Variants in PEX19 observed in about 807,000 individuals in gnomAD.
PEX19 encodes the protein peroxisomal biogenesis factor 19, also known as 33 kDa housekeeping protein.
A neutral mutation model predicts 36.3 loss-of-function variants in PEX19; 29 were observed. The ratio of observed to expected loss-of-function variants is 0.80; its 90% CI spans 0.60 to 1.09. PEX19 has a LOEUF of 1.09. PEX19 is among the 50% of genes least tolerant of loss of function. The pLI is 0.00. For synonymous variants in PEX19, 141 were observed against 135.2 expected (o/e 1.04, Z -0.30); for missense variants, 396 against 368.1 (o/e 1.08, Z -0.62).
chr1:160,281,326 A>T (rs1399048529), intron 5 of PEX19: 1 of 152,920 alleles, frequency 6.5e-6, no homozygotes, highest in Non-Finnish European at 1.5e-5. Flanking sequence ...ACAACCACAC[A>T]TATAAGCTCT....
At position 160,277,723 on chromosome 1, in the gene PEX19, G is replaced by C. The variant is rs1005544423; in HGVS notation, c.*1828C>G. The C allele has an allele frequency of 2.2e-6, 1 of 459,850 alleles. No individual in the cohort carries two copies. Among genetic ancestry groups the C allele is most frequent in the Non-Finnish European group, 4.3e-6 (1 of 230,836 alleles). The allele number at this position is 459,850 out of a possible 1,614,324, so 28.5% of individuals were successfully genotyped here. A position where few individuals can be genotyped will look rare whatever the true frequency, so the allele number is the denominator to read the frequency against. ...GGACAGAAGGCACAAGGTTCATAGA[G>C]AAGGGCTCTTTTGTTCTTCCCTCCT... On this transcript the variant is annotated 3_prime_UTR_variant, in exon 8 of 8. Transcript: ENST00000368072.
intron 3 of PEX19, 140 bp downstream of exon 3, chr1:160,282,804 T>A: frequency 1.1e-6 from 1 of 895,146 alleles, no homozygotes; most frequent in Non-Finnish European, 1.8e-6. Context: ...GGGATTCCCA[T>A]CCTTTCTCTC....
intron 1 of PEX19, chr1:160,283,982 A>C: frequency 2.4e-6 from 1 of 423,582 alleles, no homozygotes; most frequent in Non-Finnish European, 4.8e-6. Flanking sequence ...TCCCATACAA[A>C]TACCCAACAG....
chr1:160,282,199 T>A lies in PEX19; in HGVS notation c.434A>T (p.Asn145Ile). The A allele has an allele frequency of 1.2e-6, 2 of 1,613,932 alleles. No individual in the cohort carries two copies. Among genetic ancestry groups the A allele is most frequent in the Admixed American group, 1.7e-5 (1 of 60,004 alleles). Residue 145 changes from asparagine (N) to isoleucine (I), a missense_variant and splice_region_variant, in exon 5 of 8, where the codon AAC becomes ATC. By Grantham distance (149) the Asn-to-Ile change is moderately radical. Transcript: ENST00000368072. ...CAGCTCTTCTTCCGACATGCTGGAG[T>A]TCTAGATAGGACAAGTAAGAGGTGA... ...GLAKNATDLQ[N>I]SSMSEEELTK... is the part of the protein sequence containing the mutation.
rs1237718951 is a variant in PEX19, at chr1:160,279,003, A to G, written c.*548T>C. 2 of 454,178 alleles carry G rather than the reference A, an allele frequency of 4.4e-6. No homozygotes were observed. The highest frequency in any genetic ancestry group is 4.4e-6 in the Non-Finnish European group (1 of 226,810). The allele number at this position is 454,178 out of a possible 1,614,324, so 28.1% of individuals were successfully genotyped here. A position where few individuals can be genotyped will look rare whatever the true frequency, so the allele number is the denominator to read the frequency against. ...CAACTCTATTGTGATTAGATGCAAA[A>G]GCCCTTTCCCTTTAGAGAATTCAGA... is the stretch of plus-strand genomic sequence containing the variant. On this transcript the variant is annotated 3_prime_UTR_variant, in exon 8 of 8. Transcript: ENST00000368072.
In PEX19 at chr1:160,277,260, T is replaced by G. The variant is rs1361467065; in HGVS notation, c.*2291A>C. The G allele has an allele frequency of 2.2e-6, 1 of 456,002 alleles. No homozygotes were observed. Among genetic ancestry groups the G allele is most frequent in the South Asian group, 1.5e-5 (1 of 64,558 alleles). The allele number at this position is 456,002 out of a possible 1,614,324, so 28.2% of individuals were successfully genotyped here. A position where few individuals can be genotyped will look rare whatever the true frequency, so the allele number is the denominator to read the frequency against. On this transcript the variant is annotated 3_prime_UTR_variant, in exon 8 of 8. Transcript: ENST00000368072. Reference sequence around the variant, plus strand: ...TTAGAAATTGAGAGTGTTTAAAAACTTTTTAGCATTTCAATGTTGCTGTGA... The same window carrying G: ...TTAGAAATTGAGAGTGTTTAAAAACGTTTTAGCATTTCAATGTTGCTGTGA...
chr1:160,281,570 T>C (rs959957773), intron 5 of PEX19, among the ~76,000 whole-genome samples: 4 of 152,180 alleles, frequency 2.6e-5, no homozygotes, highest in Non-Finnish European at 5.9e-5. Flanking sequence ...TACGCCAGGA[T>C]AATTTTTGTA....
At chr1:160,282,270 CAAAGAT>C in intron 4 of PEX19, 70 bp from the exon 5 acceptor site, 1 of 1,548,900 alleles carries the variant, frequency 6.5e-7, no homozygotes, top group Non-Finnish European at 8.9e-7. Context: ...TCTCAGGTGA[CAAAGAT>C]AAACTATCTA....
chr1:160,283,197 G>A (rs1303074494), intron 2 of PEX19, 88 bp from the exon 3 acceptor site: 1 of 1,398,388 alleles, frequency 7.2e-7, no homozygotes, highest in Non-Finnish European at 1.0e-6. Flanking sequence ...AGTGGCTATG[G>A]GAAATGCACC....
rs1306633915 is a variant in PEX19 at position 160,278,514 on chromosome 1, T to C, written c.*1037A>G. The C allele has an allele frequency of 4.1e-6, 2 of 482,402 alleles. No individual in the cohort carries two copies. Among genetic ancestry groups the C allele is most frequent in the East Asian group, 6.1e-5 (1 of 16,486 alleles). The allele number at this position is 482,402 out of a possible 1,614,324, so 29.9% of individuals were successfully genotyped here. A position where few individuals can be genotyped will look rare whatever the true frequency, so the allele number is the denominator to read the frequency against. On this transcript the variant is annotated 3_prime_UTR_variant, in exon 8 of 8. Transcript: ENST00000368072. Reference sequence around the variant, plus strand: ...AGAATATTTATTATATTCTGCCCCATGGGGCCTTGCAGGAAAAGGGACCCA... The same window carrying C: ...AGAATATTTATTATATTCTGCCCCACGGGGCCTTGCAGGAAAAGGGACCCA...
At position 160,282,933 on chromosome 1, in the gene PEX19, G is replaced by A; in HGVS notation, c.346+11C>T. 6.2e-7 allele frequency: 1 copy of A among 1,613,414 alleles called. No homozygotes were observed. Among genetic ancestry groups the A allele is most frequent in the African/African-American group, 1.3e-5 (1 of 74,976 alleles). ...TGTTCAGATATTTCCATGTATCTGG[G>A]GTCTCCTCACCCACTCTCCCTGCAG... On this transcript the variant is annotated intron_variant, in intron 3 of 7. Transcript: ENST00000368072.
At chr1:160,281,237 G>C (rs1657759810) in intron 5 of PEX19, 1 of 152,338 alleles carries the variant, frequency 6.6e-6, no homozygotes, top group Non-Finnish European at 1.5e-5. Flanking sequence ...CTTGAGCCTG[G>C]GATGGGGAGG....
At position 160,277,173 on chromosome 1, in the gene PEX19, G is replaced by A. The variant is rs140032649; in HGVS notation, c.*2378C>T. The A allele has an allele frequency of 2.4e-4, 109 of 455,284 alleles. No individual in the cohort carries two copies. Among genetic ancestry groups the A allele is most frequent in the African/African-American group, 2.1e-3 (103 of 50,084 alleles). The allele number at this position is 455,284 out of a possible 1,614,324, so 28.2% of individuals were successfully genotyped here. On this transcript the variant is annotated 3_prime_UTR_variant, in exon 8 of 8. Transcript: ENST00000368072. The stretch of plus-strand genomic sequence containing the variant: ...AAACAGTGCTACTCAAAGATGATCT[G>A]CAGACTTGTGCTGGTCAGTGAACAC...
intron 5 of PEX19, among the ~76,000 whole-genome samples, chr1:160,280,706 A>G (rs1657740113): frequency 6.6e-6 from 1 of 151,924 alleles, no homozygotes; most frequent in Non-Finnish European, 1.5e-5. Context: ...TTTTGTAGAG[A>G]CAGGGTTTCA....
chr1:160,284,543 A>G (rs992474089), intron 1 of PEX19, among the ~76,000 whole-genome samples: 1 of 152,178 alleles, frequency 6.6e-6, no homozygotes, highest in Non-Finnish European at 1.5e-5. Context: ...CGCTTGAGCT[A>G]CTGACAAGAT....
intron 1 of PEX19, 83 bp downstream of exon 1, chr1:160,284,972 C>T: frequency 9.8e-7 from 1 of 1,024,636 alleles, no homozygotes; most frequent in Non-Finnish European, 1.6e-6. Flanking sequence ...TCCTGCCCGT[C>T]CCTAATATCT....
chr1:160,282,647 C>G (rs890882853), intron 3 of PEX19, 145 bp from the exon 4 acceptor site: 4 of 741,542 alleles, frequency 5.4e-6, no homozygotes, highest in Non-Finnish European at 9.6e-6. Context: ...TCTTCATAGT[C>G]TTTTCATAAA....
intron 1 of PEX19, chr1:160,284,233 C>T (rs1371123737): frequency 4.3e-6 from 2 of 467,688 alleles, no homozygotes; most frequent in Admixed American, 4.8e-5. Flanking sequence ...TGCAGATAAC[C>T]GTACACTAAT....
At position 160,278,651 on chromosome 1, in the gene PEX19, A is replaced by G. The variant is rs371209817; in HGVS notation, c.*900T>C. 3 of 454,326 alleles carry G rather than the reference A, an allele frequency of 6.6e-6. No homozygotes were observed. 28.1% of individuals were successfully genotyped at this position (454,326 alleles called of 1,614,324 possible). ...ATGTATCTGGGGAAGAATAGCCATTAATTTCCTAGACCTGACACTGGGTTT... is the reference window on the plus strand; with the variant it reads ...ATGTATCTGGGGAAGAATAGCCATTGATTTCCTAGACCTGACACTGGGTTT... On this transcript the variant is annotated 3_prime_UTR_variant, in exon 8 of 8. Transcript: ENST00000368072.
Sources: allele counts gnomAD v4.1 joint callset (sites outside exome capture counted in the v4.1 genomes callset), GRCh38; gene constraint gnomAD v4.1.1; transcripts MANE v1.5; gene names NCBI Gene and HGNC (gene_info 2026-07-23, HGNC 2026-07-21).